GLIS3: variants seen among roughly 807,000 people sequenced by gnomAD.
GLIS3 encodes the protein GLIS family zinc finger 3.
Under a neutral mutation model 78.6 loss-of-function variants are expected in GLIS3, and 53 were observed. That is an observed-to-expected ratio of 0.67 (90% CI 0.54 to 0.85). GLIS3 has a LOEUF of 0.85. GLIS3 is among the 40% of genes least tolerant of loss of function. The pLI, the probability that GLIS3 is intolerant of heterozygous loss-of-function variation, is 0.00. For synonymous variants in GLIS3, 684 were observed against 509.9 expected (o/e 1.34, Z -4.60); for missense variants, 1,703 against 1,231.1 (o/e 1.38, Z -5.74).
At chr9:3,899,749 TTAAG>T (rs1361078154) in intron 6 of GLIS3, among the ~76,000 whole-genome samples, 5 of 152,194 alleles carry the variant, frequency 3.3e-5, no homozygotes, top group Admixed American at 6.5e-5. Context: ...CAAATATTTA[TTAAG>T]TGTTTGTTAC....
chr9:4,249,444 C>G (rs993837856), intron 2 of GLIS3, among the ~76,000 whole-genome samples: 1 of 152,162 alleles, frequency 6.6e-6, no homozygotes, highest in African/African-American at 2.4e-5. Flanking sequence ...TATAGGAATG[C>G]TTGTGATTTC....
At chr9:4,053,133 G>C (rs933518065) in intron 4 of GLIS3, among the ~76,000 whole-genome samples, 3 of 152,122 alleles carry the variant, frequency 2.0e-5, no homozygotes, top group Non-Finnish European at 2.9e-5. Context: ...TTTTTTGGTA[G>C]AGACAAGATT....
At chr9:4,245,859 C>G (rs1042355419) in intron 2 of GLIS3, among the ~76,000 whole-genome samples, 1 of 152,192 alleles carries the variant, frequency 6.6e-6, no homozygotes, top group Non-Finnish European at 1.5e-5. Flanking sequence ...AACTGACTAG[C>G]AAAGTAGGTA....
At chr9:4,376,176 C>T in the GLIS3 span, among the ~76,000 whole-genome samples, 1 of 152,142 alleles carries the variant, frequency 6.6e-6, no homozygotes, top group African/African-American at 2.4e-5. Flanking sequence ...AGGCATGACT[C>T]TGGTGGAGAG....
rs79173213 is a variant in GLIS3 at position 4,034,418 on chromosome 9, C to T, written c.1710+83350G>A. On this transcript the variant is annotated intron_variant, in intron 4 of 10. Coordinates refer to ENST00000381971, the MANE Select transcript of GLIS3 (RefSeq NM_001042413.2). Reference sequence around the variant, plus strand: ...CCCTTGTTTCTTGAATTAGCAGAGACCTGTAAGCATGTTCAGAGCAGGGAT... The same window carrying T: ...CCCTTGTTTCTTGAATTAGCAGAGATCTGTAAGCATGTTCAGAGCAGGGAT... The T allele has an allele frequency of 2.0e-5, 3 of 152,248 alleles. No individual in the cohort carries two copies. In the East Asian group the frequency reaches 5.8e-4, roughly 29 times the overall value. The allele number at this position is 152,248 out of a possible 1,614,324, so 9.4% of individuals were successfully genotyped here.
intron 2 of GLIS3, among the ~76,000 whole-genome samples, chr9:4,211,454 T>G (rs1325703678): frequency 6.6e-6 from 1 of 152,114 alleles, no homozygotes; most frequent in Non-Finnish European, 1.5e-5. Context: ...CCTTTTTCTG[T>G]AAGGAAAGAG....
At chr9:4,296,376 C>T (rs558326737) in intron 1 of GLIS3, among the ~76,000 whole-genome samples, 1 of 151,916 alleles carries the variant, frequency 6.6e-6, no homozygotes, top group Non-Finnish European at 1.5e-5. Context: ...TAAATGAAGG[C>T]AGGGCTAATA....
At chr9:3,903,882 G>C (rs1823486639) in intron 6 of GLIS3, among the ~76,000 whole-genome samples, 1 of 152,166 alleles carries the variant, frequency 6.6e-6, no homozygotes, top group African/African-American at 2.4e-5. Flanking sequence ...AGGATGAAGA[G>C]CAAGAGAGTT....
intron 1 of GLIS3, among the ~76,000 whole-genome samples, chr9:4,297,734 A>G (rs4557757): frequency 1 from 152,150 of 152,266 alleles, 76,017 homozygotes; most frequent in Non-Finnish European, 1. Context: ...TACCGGGGCA[A>G]ACTAGCGTGG....
intron 4 of GLIS3, chr9:4,054,338 A>T (rs1044786240): frequency 3.0e-5 from 30 of 985,224 alleles, no homozygotes; most frequent in African/African-American, 1.7e-5. Flanking sequence ...CAAGACCTCC[A>T]CCTTTCCAAG....
intron 1 of GLIS3, 57 bp from the exon 2 acceptor site, chr9:4,286,580 G>C (rs1339624699): frequency 1.2e-6 from 1 of 866,976 alleles, no homozygotes; most frequent in Non-Finnish European, 1.8e-6. Context: ...ATAAGATACA[G>C]TGAGTTTTTC....
the GLIS3 span, among the ~76,000 whole-genome samples, chr9:4,365,457 G>A: frequency 4.7e-4 from 72 of 152,182 alleles, no homozygotes; most frequent in African/African-American, 1.6e-3. Flanking sequence ...CTCAGGGGCT[G>A]AGGCAGGAGA....
chr9:4,226,238 C>A (rs968557888), intron 2 of GLIS3, among the ~76,000 whole-genome samples: 1 of 152,156 alleles, frequency 6.6e-6, no homozygotes, highest in African/African-American at 2.4e-5. Context: ...CAGAAGTAAA[C>A]TGACCTCTTG....
At chr9:3,907,141 CT>C (rs1468828993) in intron 6 of GLIS3, among the ~76,000 whole-genome samples, 1 of 152,236 alleles carries the variant, frequency 6.6e-6, no homozygotes, top group Non-Finnish European at 1.5e-5. Context: ...ACTTTCAACA[CT>C]CCTGTGATTG....
the GLIS3 span, among the ~76,000 whole-genome samples, chr9:4,400,159 C>G: frequency 2.0e-5 from 3 of 152,190 alleles, no homozygotes; most frequent in South Asian, 2.1e-4. Context: ...AAAGATGGCT[C>G]TTCCCCTATC....
chr9:4,285,222 G>A (rs963599246), intron 2 of GLIS3, among the ~76,000 whole-genome samples: 15 of 152,102 alleles, frequency 9.9e-5, no homozygotes, highest in African/African-American at 3.6e-4. Context: ...TATTTTACGT[G>A]GGGTGCATGC....
At chr9:4,280,862 G>A (rs1827480419) in intron 2 of GLIS3, among the ~76,000 whole-genome samples, 1 of 151,982 alleles carries the variant, frequency 6.6e-6, no homozygotes, top group African/African-American at 2.4e-5. Flanking sequence ...AGAGCGGAGT[G>A]GCCAACCACT....
chr9:4,359,949 T>A, the GLIS3 span, among the ~76,000 whole-genome samples: 1 of 152,118 alleles, frequency 6.6e-6, no homozygotes, highest in Non-Finnish European at 1.5e-5. Context: ...ACATTTATTT[T>A]CTGTATATAT....
chr9:3,989,989 C>G (rs545605577), intron 4 of GLIS3, among the ~76,000 whole-genome samples: 1 of 152,130 alleles, frequency 6.6e-6, no homozygotes, highest in Non-Finnish European at 1.5e-5. Flanking sequence ...TTGGGGGAAA[C>G]TAGATAAAGT....
Sources: allele counts gnomAD v4.1 joint callset (sites outside exome capture counted in the v4.1 genomes callset), GRCh38; gene constraint gnomAD v4.1.1; transcripts MANE v1.5; gene names NCBI Gene and HGNC (gene_info 2026-07-23, HGNC 2026-07-21).